The following ASB14 variants were observed in gnomAD, a reference collection of about 807,000 sequenced individuals.
ASB14 encodes the protein ankyrin repeat and SOCS box protein 14.
ASB14 carries 63 observed loss-of-function variants against 55.6 expected under a neutral mutation model. That is an observed-to-expected ratio of 1.13 (90% CI 0.92 to 1.40). The LOEUF is 1.40. Ranked by LOEUF, ASB14 falls within the 40% of genes most tolerant of loss-of-function variation. The pLI, the probability that ASB14 is intolerant of heterozygous loss-of-function variation, is 0.00. For synonymous variants in ASB14, 256 were observed against 259.9 expected (o/e 0.98, Z 0.15); for missense variants, 724 against 710.4 (o/e 1.02, Z -0.22).
rs1276348594 is a variant in ASB14 at position 57,278,885 on chromosome 3, G to A, written c.923C>T (p.Ala308Val). 1.9e-6 allele frequency: 3 copies of A among 1,613,386 alleles called. No homozygotes were observed. The African/African-American group carries it at 4.0e-5, about 22-fold the overall frequency. ...ACTGATCCCACTCTGCTTAATGGCA[G>A]CAAGATCCGTAACTGGAATCAGTAT... is the stretch of plus-strand genomic sequence containing the variant. ...LKILIPVTDL[A>V]AIKQSGISPV... Residue 308 changes from alanine (A) to valine (V), a missense_variant, in exon 8 of 11, where the codon GCT becomes GTT. Transcript: ENST00000487349.
At chr3:57,276,280 TA>T (rs922451458) in intron 10 of ASB14, among the ~76,000 whole-genome samples, 7 of 138,370 alleles carry the variant, frequency 5.1e-5, no homozygotes, top group Non-Finnish European at 8.5e-5. Flanking sequence ...AAAGCTACTT[TA>T]AAAAATTTTT....
At chr3:57,285,467 G>A (rs2061073926) in intron 5 of ASB14, among the ~76,000 whole-genome samples, 2 of 152,058 alleles carry the variant, frequency 1.3e-5, no homozygotes, top group African/African-American at 4.8e-5. Flanking sequence ...TAGAAAATGA[G>A]GATTTAACTT....
chr3:57,275,253 A>T (rs1171277933), intron 10 of ASB14, among the ~76,000 whole-genome samples: 1 of 152,092 alleles, frequency 6.6e-6, no homozygotes, highest in African/African-American at 2.4e-5. Context: ...GGAGTTCAAG[A>T]CCAGCCTGGC....
rs926651955 is a variant in ASB14 at position 57,276,656 on chromosome 3, C to T, written c.1658G>A (p.Cys553Tyr). Residue 553 changes from cysteine to tyrosine, a missense_variant, in exon 10 of 11, where the codon TGC becomes TAC. By Grantham distance (194) the Cys-to-Tyr change is radical. Coordinates refer to ENST00000487349, the MANE Select transcript of ASB14 (RefSeq NM_001142733.3). ...RKCMGRLHLR[C>Y]PVFMSFLPLP... Reference sequence around the variant, plus strand: ...TGGAAGAAATGACATGAAGACAGGGCAGCGCAAATGTAACCGTCCCATGCA... The same window carrying T: ...TGGAAGAAATGACATGAAGACAGGGTAGCGCAAATGTAACCGTCCCATGCA... 1.2e-6 allele frequency: 2 copies of T among 1,613,828 alleles called. No individual in the cohort carries two copies. The highest frequency in any genetic ancestry group is 2.7e-5 in the African/African-American group (2 of 74,900).
chr3:57,271,357 A>C (rs2060938400), intron 10 of ASB14: 1 of 152,648 alleles, frequency 6.6e-6, no homozygotes, highest in South Asian at 2.1e-4. Flanking sequence ...CATACAGTAA[A>C]AAAGTAGAAA....
chr3:57,276,819 C>T, intron 9 of ASB14, 91 bp from the exon 10 acceptor site: 1 of 1,244,546 alleles, frequency 8.0e-7, no homozygotes. Flanking sequence ...GATAGCATTT[C>T]ATTTGCTGTT....
chr3:57,277,635 G>A (rs1266260899), intron 9 of ASB14, 132 bp downstream of exon 9: 4 of 777,672 alleles, frequency 5.1e-6, no homozygotes, highest in African/African-American at 3.5e-5. Context: ...CATTTTTAAA[G>A]ATAGGAATAG....
chr3:57,274,621 A>T (rs567267437), intron 10 of ASB14, among the ~76,000 whole-genome samples: 2 of 152,294 alleles, frequency 1.3e-5, no homozygotes, highest in South Asian at 4.1e-4. Flanking sequence ...CAGGAGGCAG[A>T]GGTTGCAGTG....
rs1227123964 is a variant in ASB14 at position 57,284,938 on chromosome 3, G to GT, written c.470-1500dup. On this transcript the variant is annotated intron_variant, in intron 5 of 10. Transcript: ENST00000487349. Reference sequence around the variant, plus strand: ...TGTTGGTCTCTCTTTAATTTTCAGTGTTGTTTTTTTTTTTTTTTTGAGACA... The same window carrying GT: ...TGTTGGTCTCTCTTTAATTTTCAGTGTTTGTTTTTTTTTTTTTTTTGAGACA... Among the ~76,000 whole-genome samples, 53 of 61,678 alleles carry GT rather than the reference G, an allele frequency of 8.6e-4. 1 individual carries two copies. The East Asian group carries it at 0.025, about 29-fold the overall frequency. 40.5% of individuals were successfully genotyped at this position (61,678 alleles called of 152,430 possible).
intron 5 of ASB14, among the ~76,000 whole-genome samples, chr3:57,283,841 AAAAAAC>A (rs1026534910): frequency 6.6e-6 from 1 of 152,096 alleles, no homozygotes. Context: ...AAAATTAAAA[AAAAAAC>A]AAAAACAAAA....
chr3:57,276,550 T>C lies in ASB14; in HGVS notation c.1764A>G (p.Ter588=), dbSNP rs200729395. 1.2e-6 allele frequency: 2 copies of C among 1,603,684 alleles called. No individual in the cohort carries two copies. The highest frequency in any genetic ancestry group is 8.5e-7 in the Non-Finnish European group (1 of 1,172,944). ...YGQGIFTGTW[*] ...TACCTTTTCCATTAGAATGGTTTGATTACCAGGTTCCTGTAAAAATTCCTT... is the reference window on the plus strand; with the variant it reads ...TACCTTTTCCATTAGAATGGTTTGACTACCAGGTTCCTGTAAAAATTCCTT... Residue 588 remains the stop codon, a stop_retained_variant, in exon 10 of 11, where the codon TAA becomes TAG. Coordinates refer to ENST00000487349, the MANE Select transcript of ASB14 (RefSeq NM_001142733.3).
rs376827436 is a variant in ASB14, at chr3:57,277,063, C to T, written c.1586-335G>A. On this transcript the variant is annotated intron_variant, in intron 9 of 10. Transcript: ENST00000487349. ...GGTGGATCATTTGAAGCCAGGAGTT[C>T]GAGACCAGCCTGGCCAACATGGTGA... is the stretch of plus-strand genomic sequence containing the variant. Among the ~76,000 whole-genome samples the T allele has an allele frequency of 2.4e-4, 36 of 152,136 alleles. 2 individuals carry two copies. In the South Asian group the frequency reaches 7.1e-3, roughly 30 times the overall value.
In ASB14 at chr3:57,289,138, A is replaced by G; in HGVS notation, c.123-15T>C. On this transcript the variant is annotated splice_polypyrimidine_tract_variant and intron_variant, in intron 2 of 10. Transcript: ENST00000487349. The stretch of plus-strand genomic sequence containing the variant: ...AGGAATGCAAACTGCAAAGAAAAAA[A>G]TACATATGTAATTCCAAAACTGAGG... The G allele has an allele frequency of 2.0e-6, 3 of 1,502,940 alleles. No homozygotes were observed. The highest frequency in any genetic ancestry group is 1.8e-6 in the Non-Finnish European group (2 of 1,115,922). The allele number at this position is 1,502,940 out of a possible 1,614,324, so 93.1% of individuals were successfully genotyped here.
In ASB14 at chr3:57,268,420, A is replaced by G. The variant is rs767956335; in HGVS notation, c.*1221T>C. 30 of 1,597,490 alleles carry G rather than the reference A, an allele frequency of 1.9e-5. No individual in the cohort carries two copies. The highest frequency in any genetic ancestry group is 1.6e-4 in the African/African-American group (12 of 74,186). ...TAGGATCGTAGGGCATCAGAAAAAC[A>G]AAAAGAAATAGAGAGAGTAAAAGAG... On this transcript the variant is annotated 3_prime_UTR_variant, in exon 11 of 11. Transcript: ENST00000487349.
chr3:57,288,490 T>C (rs567260720), intron 3 of ASB14, among the ~76,000 whole-genome samples: 30 of 152,252 alleles, frequency 2.0e-4, no homozygotes, highest in African/African-American at 6.7e-4. Context: ...ACCCCCAGCG[T>C]CTTGTTATTT....
chr3:57,277,468 A>T (rs570127325), intron 9 of ASB14, among the ~76,000 whole-genome samples: 2 of 152,268 alleles, frequency 1.3e-5, no homozygotes, highest in East Asian at 3.9e-4. Flanking sequence ...TTTTATTGCC[A>T]TATGATATTA....
intron 6 of ASB14, among the ~76,000 whole-genome samples, chr3:57,282,808 A>G (rs1448685940): frequency 6.6e-6 from 1 of 152,216 alleles, no homozygotes; most frequent in Non-Finnish European, 1.5e-5. Flanking sequence ...ATCTAAAGCC[A>G]TTTGGTAACA....
At chr3:57,284,094 A>ATATGTGTGTGTGTGTGTGTGTGTG (rs1553640085) in intron 5 of ASB14, among the ~76,000 whole-genome samples, 2 of 136,546 alleles carry the variant, frequency 1.5e-5, no homozygotes, top group African/African-American at 2.8e-5. Context: ...AACACTGTGT[A>ATATGTGTGTGTGTGTGTGTGTGTG]TGTGTGTGTG....
chr3:57,271,996 A>C (rs1446730949), intron 10 of ASB14: 1 of 152,208 alleles, frequency 6.6e-6, no homozygotes, highest in Non-Finnish European at 1.5e-5. Flanking sequence ...GTTTCTGCCT[A>C]GTGGTAAAGC....
Sources: gnomAD v4.1 joint callset for allele counts (sites outside exome capture counted in the v4.1 genomes callset) on GRCh38, gnomAD v4.1.1 for gene constraint, MANE v1.5 for transcripts, NCBI Gene and HGNC (gene_info 2026-07-23, HGNC 2026-07-21) for gene names.